SNTG1: variants seen among roughly 807,000 people sequenced by gnomAD.
The protein encoded by SNTG1 is syntrophin gamma 1.
In SNTG1, 39 loss-of-function variants were observed where a neutral mutation model predicts 74.7. That is an observed-to-expected ratio of 0.52 (90% CI 0.40 to 0.68). The LOEUF (loss-of-function observed/expected upper bound fraction) is 0.68. Among genes scored for constraint, SNTG1 ranks in the 30% least tolerant of loss-of-function variants. The pLI is 0.00. For synonymous variants in SNTG1, 254 were observed against 217.1 expected, an observed-to-expected ratio of 1.17 and a Z score of -1.49; for missense variants, 685 against 609.5, an observed-to-expected ratio of 1.12 and a Z score of -1.30.
At chr8:49,991,304 G>A (rs1813664385) in intron 1 of SNTG1, among the ~76,000 whole-genome samples, 1 of 152,052 alleles carries the variant, frequency 6.6e-6, no homozygotes, top group Admixed American at 6.6e-5. Context: ...AGTGTTGATG[G>A]GGATATGAAA....
chr8:50,785,652 C>A (rs1018240362), intron 18 of SNTG1, among the ~76,000 whole-genome samples: 4 of 152,114 alleles, frequency 2.6e-5, no homozygotes, highest in Non-Finnish European at 5.9e-5. Flanking sequence ...AAAGGGGAAA[C>A]ACTCCTCTAC....
intron 18 of SNTG1, among the ~76,000 whole-genome samples, chr8:50,788,840 A>C (rs2095683311): frequency 6.6e-6 from 1 of 151,916 alleles, no homozygotes; most frequent in African/African-American, 2.4e-5. Flanking sequence ...ACTGTGCCTC[A>C]TCTCCTGCGG....
intron 18 of SNTG1, among the ~76,000 whole-genome samples, chr8:50,790,886 A>G (rs938358509): frequency 6.6e-6 from 1 of 151,998 alleles, no homozygotes; most frequent in Non-Finnish European, 1.5e-5. Flanking sequence ...CCAAAATATA[A>G]CCTCTATTTT....
At chr8:50,690,040 A>T (rs1047700918) in intron 15 of SNTG1, among the ~76,000 whole-genome samples, 5 of 152,150 alleles carry the variant, frequency 3.3e-5, no homozygotes, top group South Asian at 2.1e-4. Flanking sequence ...TTGCATAGAG[A>T]TGTTTGTAGT....
chr8:50,328,951 G>C (rs77409617), intron 2 of SNTG1, among the ~76,000 whole-genome samples: 1 of 152,186 alleles, frequency 6.6e-6, no homozygotes, highest in Non-Finnish European at 1.5e-5. Flanking sequence ...AAGACACAAT[G>C]TGGGTGTAAG....
intron 1 of SNTG1, among the ~76,000 whole-genome samples, chr8:49,957,532 G>A (rs931694509): frequency 6.6e-6 from 1 of 152,156 alleles, no homozygotes; most frequent in Non-Finnish European, 1.5e-5. Flanking sequence ...CCAGATGAGT[G>A]ACAAGCAGGC....
chr8:50,655,387 A>T (rs2095173689), intron 13 of SNTG1, among the ~76,000 whole-genome samples: 3 of 152,184 alleles, frequency 2.0e-5, no homozygotes, highest in African/African-American at 7.2e-5. Context: ...CAAAATAATC[A>T]GTTATTATAG....
intron 2 of SNTG1, among the ~76,000 whole-genome samples, chr8:50,369,255 A>T (rs2092206584): frequency 6.6e-6 from 1 of 152,226 alleles, no homozygotes; most frequent in Admixed American, 6.5e-5. Flanking sequence ...AAGTGAAATG[A>T]TGCCATAAGA....
Position 50,642,335 on chromosome 8 carries a change from T to C in SNTG1, c.850-14574T>C, listed in dbSNP as rs115554926. Reference sequence around the variant, plus strand: ...CAGGCCTTCTTGCTTCTTTTCTTTCTTTCTCTTCAGGCAAGCAATCCAGTC... The same window carrying C: ...CAGGCCTTCTTGCTTCTTTTCTTTCCTTCTCTTCAGGCAAGCAATCCAGTC... On this transcript the variant is annotated intron_variant, in intron 13 of 18. Transcript: ENST00000642720. Among the ~76,000 whole-genome samples the C allele has an allele frequency of 5.7e-3, 867 of 152,260 alleles. 7 individuals are homozygous for C. Among genetic ancestry groups the C allele is most frequent in the African/African-American group, 0.02 (823 of 41,554 alleles).
chr8:50,668,716 G>C (rs79996727), intron 15 of SNTG1, among the ~76,000 whole-genome samples: 172 of 151,912 alleles, frequency 1.1e-3, no homozygotes, highest in African/African-American at 4.0e-3. Context: ...TGTTCTCATA[G>C]TTCAACTTCC....
At chr8:50,130,956 T>A (rs768609191) in intron 1 of SNTG1, among the ~76,000 whole-genome samples, 8 of 152,096 alleles carry the variant, frequency 5.3e-5, no homozygotes, top group African/African-American at 7.2e-5. Context: ...ACTGTAAACT[T>A]GAAATTTTAG....
At chr8:50,340,960 T>G (rs2130935418) in intron 2 of SNTG1, among the ~76,000 whole-genome samples, 1 of 152,082 alleles carries the variant, frequency 6.6e-6, no homozygotes, top group African/African-American at 2.4e-5. Flanking sequence ...AAAAAAATTT[T>G]ACTTTTCAAT....
intron 1 of SNTG1, among the ~76,000 whole-genome samples, chr8:50,105,442 G>T (rs2080328284): frequency 1.3e-5 from 2 of 152,010 alleles, no homozygotes; most frequent in Non-Finnish European, 2.9e-5. Flanking sequence ...TTGAAGTATA[G>T]TTTGAATTTG....
At chr8:50,149,811 T>C (rs769597555) in intron 1 of SNTG1, among the ~76,000 whole-genome samples, 15 of 152,230 alleles carry the variant, frequency 9.9e-5, no homozygotes, top group Non-Finnish European at 1.6e-4. Flanking sequence ...CAGTATAGTT[T>C]GAAGTCAGGT....
chr8:49,918,013 C>T (rs1026769921), intron 1 of SNTG1, among the ~76,000 whole-genome samples: 1 of 152,162 alleles, frequency 6.6e-6, no homozygotes, highest in Non-Finnish European at 1.5e-5. Context: ...CTAGATTCCA[C>T]ACATAGCTGC....
chr8:50,440,971 A>G (rs530814093), intron 5 of SNTG1, among the ~76,000 whole-genome samples: 1 of 152,330 alleles, frequency 6.6e-6, no homozygotes, highest in South Asian at 2.1e-4. Context: ...ATGCTCTAAC[A>G]TGTGCTGCTA....
chr8:50,584,235 G>A (rs1585758480), intron 12 of SNTG1, among the ~76,000 whole-genome samples: 1 of 136,444 alleles, frequency 7.3e-6, no homozygotes, highest in African/African-American at 2.8e-5. Context: ...ATAAATGTAT[G>A]TGTGCATGTG....
At chr8:50,560,851 CAT>C (rs1291133037) in intron 12 of SNTG1, among the ~76,000 whole-genome samples, 2 of 152,056 alleles carry the variant, frequency 1.3e-5, no homozygotes, top group African/African-American at 2.4e-5. Flanking sequence ...ACATCCTACA[CAT>C]GTTCCCCAGA....
chr8:50,747,603 G>A (rs1360590575), intron 17 of SNTG1, among the ~76,000 whole-genome samples: 6 of 151,744 alleles, frequency 4.0e-5, no homozygotes, highest in South Asian at 2.1e-4. Flanking sequence ...TCTCCATGTC[G>A]AATTTTCCTT....
Sources: gnomAD v4.1 joint callset for allele counts (sites outside exome capture counted in the v4.1 genomes callset) on GRCh38, gnomAD v4.1.1 for gene constraint, MANE v1.5 for transcripts, NCBI Gene and HGNC (gene_info 2026-07-23, HGNC 2026-07-21) for gene names.